Variants in STAT5B observed in about 807,000 individuals in gnomAD.
STAT5B encodes the protein signal transducer and activator of transcription 5B.
In STAT5B, 21 loss-of-function variants were observed where a neutral mutation model predicts 107.8. That is an observed-to-expected ratio of 0.19 (90% CI 0.14 to 0.28). The LOEUF is 0.28. STAT5B is among the 10% of genes least tolerant of loss of function. STAT5B has a pLI of 1.00. For missense variants in STAT5B, 565 were observed against 1,008.2 expected, an observed-to-expected ratio of 0.56 and a Z score of 5.95; for synonymous variants, 325 against 401.7, an observed-to-expected ratio of 0.81 and a Z score of 2.28.
chr17:42,250,117 C>T (rs1224690284), intron 1 of STAT5B, among the ~76,000 whole-genome samples: 2 of 152,068 alleles, frequency 1.3e-5, no homozygotes, highest in African/African-American at 4.8e-5. Context: ...GATCGGTTCC[C>T]GGCTTAACTA....
chr17:42,270,268 T>A (rs1318552225), intron 1 of STAT5B, among the ~76,000 whole-genome samples: 2 of 152,150 alleles, frequency 1.3e-5, no homozygotes, highest in African/African-American at 4.8e-5. Flanking sequence ...GTCTCAGAAA[T>A]CATGACTAAT....
chr17:42,201,964 G>GC (rs916057897), intron 18 of STAT5B, 100 bp from the exon 19 acceptor site: 2 of 1,155,214 alleles, frequency 1.7e-6, no homozygotes, highest in Non-Finnish European at 2.5e-6. Flanking sequence ...GCCAGCCTAT[G>GC]CCCTCAGCCT....
At chr17:42,211,278 C>T (rs5016637) in intron 13 of STAT5B, among the ~76,000 whole-genome samples, 133,067 of 152,038 alleles carry the variant, frequency 0.88, 58,615 homozygotes, top group East Asian at 1. Flanking sequence ...GAGGCCGAGG[C>T]GGGCAGATCA....
intron 1 of STAT5B, among the ~76,000 whole-genome samples, chr17:42,262,908 GTATATATA>G (rs565760661): frequency 5.5e-5 from 6 of 109,772 alleles, no homozygotes; most frequent in South Asian, 5.4e-4. Context: ...ATATATATGT[GTATATATA>G]TGTGTGTATA....
At chr17:42,240,465 T>C (rs996786502) in intron 1 of STAT5B, among the ~76,000 whole-genome samples, 2 of 152,008 alleles carry the variant, frequency 1.3e-5, no homozygotes, top group African/African-American at 4.8e-5. Context: ...GGAAAATAGA[T>C]TGTTGGTTGC....
intron 1 of STAT5B, among the ~76,000 whole-genome samples, chr17:42,244,090 T>C (rs1165983701): frequency 1.5e-5 from 2 of 135,010 alleles, no homozygotes; most frequent in Admixed American, 1.4e-4. Context: ...TTCTTTTCTT[T>C]TCTTTTTTTT....
Position 42,261,997 on chromosome 17 carries a change from G to A in STAT5B, c.-11+14251C>T, listed in dbSNP as rs559566370. 7.9e-5 allele frequency among the ~76,000 whole-genome samples: 12 copies of A among 152,126 alleles called. No homozygotes were observed. The South Asian group carries it at 2.5e-3, about 32-fold the overall frequency. On this transcript the variant is annotated intron_variant, in intron 1 of 18. Coordinates refer to ENST00000293328, the MANE Select transcript of STAT5B (RefSeq NM_012448.4). ...TTACAGATGTGAGTCATCTCACCTG[G>A]CCTAAAATAGATTTTTACTTAATTA...
chr17:42,232,296 T>A (rs1025877740), intron 1 of STAT5B, among the ~76,000 whole-genome samples, 159 bp from the exon 2 acceptor site: 8 of 152,208 alleles, frequency 5.3e-5, no homozygotes, highest in African/African-American at 1.9e-4. Flanking sequence ...CCACCCAAGC[T>A]GGAGTGCAGT....
intron 1 of STAT5B, among the ~76,000 whole-genome samples, chr17:42,242,219 C>G (rs2080409581): frequency 6.6e-6 from 1 of 152,116 alleles, no homozygotes; most frequent in African/African-American, 2.4e-5. Context: ...TTTCAATCAG[C>G]AGGTTACTAT....
At chr17:42,263,117 C>A (rs2080632847) in intron 1 of STAT5B, among the ~76,000 whole-genome samples, 1 of 145,948 alleles carries the variant, frequency 6.9e-6, no homozygotes, top group Non-Finnish European at 1.5e-5. Flanking sequence ...CTCACTGCAG[C>A]CTCCACTTCC....
At chr17:42,258,144 G>A (rs1033063563) in intron 1 of STAT5B, among the ~76,000 whole-genome samples, 1 of 152,054 alleles carries the variant, frequency 6.6e-6, no homozygotes, top group African/African-American at 2.4e-5. Context: ...AATGTATTGA[G>A]GAATAATTTT....
chr17:42,245,310 T>C (rs544263869), intron 1 of STAT5B, among the ~76,000 whole-genome samples: 4 of 151,750 alleles, frequency 2.6e-5, no homozygotes, highest in Non-Finnish European at 2.9e-5. Context: ...CCTCATGACC[T>C]TGTGATCCGC....
At chr17:42,237,173 C>T (rs1049744555) in intron 1 of STAT5B, among the ~76,000 whole-genome samples, 1 of 152,196 alleles carries the variant, frequency 6.6e-6, no homozygotes, top group African/African-American at 2.4e-5. Context: ...AAGCACCTAC[C>T]TCAACCTTAT....
chr17:42,280,642 G>A (rs1035180990), upstream of STAT5B, among the ~76,000 whole-genome samples: 2 of 152,288 alleles, frequency 1.3e-5, no homozygotes, highest in South Asian at 4.1e-4. Flanking sequence ...ACAGGACCCT[G>A]GAGCCATGTG....
chr17:42,262,848 G>GTA (rs1555553480), intron 1 of STAT5B, among the ~76,000 whole-genome samples: 12 of 81,646 alleles, frequency 1.5e-4, no homozygotes, highest in African/African-American at 5.8e-4. Flanking sequence ...ACATATATAT[G>GTA]TATATACACA....
intron 9 of STAT5B, 91 bp from the exon 10 acceptor site, chr17:42,217,555 A>G (rs1444179729): frequency 1.4e-6 from 2 of 1,430,804 alleles, no homozygotes; most frequent in East Asian, 4.6e-5. Flanking sequence ...CAGGAAATAG[A>G]GAAGTTTGCT....
At chr17:42,231,453 C>T (rs565663904) in intron 2 of STAT5B, among the ~76,000 whole-genome samples, 28 of 152,204 alleles carry the variant, frequency 1.8e-4, no homozygotes, top group African/African-American at 6.3e-4. Context: ...GTGATCCTCC[C>T]ACCTCAGCCT....
intron 5 of STAT5B, among the ~76,000 whole-genome samples, chr17:42,221,937 G>A (rs1311813582): frequency 7.0e-6 from 1 of 143,062 alleles, no homozygotes; most frequent in African/African-American, 2.6e-5. Context: ...TGTGTGTGTG[G>A]TGTGTATGTG....
intron 1 of STAT5B, among the ~76,000 whole-genome samples, chr17:42,259,514 C>T (rs892848710): frequency 6.6e-6 from 1 of 151,976 alleles, no homozygotes; most frequent in South Asian, 2.1e-4. Flanking sequence ...GTGCTGGGCG[C>T]GGTGGCTCAC....
Sources: gnomAD v4.1 joint callset for allele counts (sites outside exome capture counted in the v4.1 genomes callset) on GRCh38, gnomAD v4.1.1 for gene constraint, MANE v1.5 for transcripts, NCBI Gene and HGNC (gene_info 2026-07-23, HGNC 2026-07-21) for gene names.